The following MARK1 variants were observed in gnomAD, a reference collection of about 807,000 sequenced individuals.
MARK1 encodes the protein serine/threonine-protein kinase MARK1.
Under a neutral mutation model 96.3 loss-of-function variants are expected in MARK1, and 40 were observed. The ratio of observed to expected loss-of-function variants is 0.42; its 90% CI spans 0.32 to 0.54. The LOEUF is 0.54. MARK1 is among the 20% of genes least tolerant of loss of function. MARK1 has a pLI of 0.16. For synonymous variants in MARK1, 317 were observed against 341.2 expected (o/e 0.93, Z 0.78); for missense variants, 719 against 984.6 (o/e 0.73, Z 3.61).
At chr1:220,633,538 G>T (rs1667787248) in intron 11 of MARK1, among the ~76,000 whole-genome samples, 1 of 152,184 alleles carries the variant, frequency 6.6e-6, no homozygotes, top group Non-Finnish European at 1.5e-5. Context: ...CTCTCAAGGA[G>T]CCCTTAGTCT....
chr1:220,561,946 GAGA>G (rs1166055175), intron 1 of MARK1, among the ~76,000 whole-genome samples: 2 of 152,170 alleles, frequency 1.3e-5, no homozygotes, highest in South Asian at 2.1e-4. Context: ...AACTTACCAT[GAGA>G]AGAAGGCCAT....
Position 220,528,748 on chromosome 1 carries a change from T to C in MARK1, c.-75T>C. The C allele has an allele frequency of 7.0e-7, 1 of 1,421,152 alleles. No individual in the cohort carries two copies. Among genetic ancestry groups the C allele is most frequent in the Non-Finnish European group, 9.6e-7 (1 of 1,046,164 alleles). The allele number at this position is 1,421,152 out of a possible 1,614,324, so 88.0% of individuals were successfully genotyped here. A position where few individuals can be genotyped will look rare whatever the true frequency, so the allele number is the denominator to read the frequency against. ...GGCCTTGTGCTCGCGTCCGCACCCC[T>C]TTCCTGTCGCCCCCCGGGGCCCGCA... On this transcript the variant is annotated 5_prime_UTR_variant, in exon 1 of 18. Coordinates refer to ENST00000366917, the MANE Select transcript of MARK1 (RefSeq NM_018650.5).
intron 3 of MARK1, among the ~76,000 whole-genome samples, chr1:220,583,478 T>G (rs1475657506): frequency 6.6e-6 from 1 of 152,222 alleles, no homozygotes; most frequent in African/African-American, 2.4e-5. Context: ...TATGCTCATA[T>G]TATTTGTATT....
intron 3 of MARK1, among the ~76,000 whole-genome samples, chr1:220,595,616 A>G (rs1049719733): frequency 1.3e-5 from 2 of 152,212 alleles, no homozygotes; most frequent in African/African-American, 4.8e-5. Flanking sequence ...ATTTTTTTCT[A>G]GAGTCTGGTA....
intron 1 of MARK1, among the ~76,000 whole-genome samples, chr1:220,534,400 G>A (rs11118567): frequency 0.59 from 88,963 of 151,780 alleles, 27,431 homozygotes; most frequent in Non-Finnish European, 0.68. Context: ...CCTTCTAAGT[G>A]TATGTTTATA....
chr1:220,570,154 C>A (rs1201991029), intron 1 of MARK1, among the ~76,000 whole-genome samples: 1 of 151,886 alleles, frequency 6.6e-6, no homozygotes, highest in Non-Finnish European at 1.5e-5. Context: ...AATAGAAAGA[C>A]CAAATATGAC....
chr1:220,532,620 A>G (rs1660391362), intron 1 of MARK1, among the ~76,000 whole-genome samples: 1 of 152,200 alleles, frequency 6.6e-6, no homozygotes, highest in Admixed American at 6.5e-5. Context: ...TCTATCCTTC[A>G]AGGTGAATAA....
Position 220,632,212 on chromosome 1 carries a change from AC to A in MARK1, c.1023del (p.Met342TrpfsTer8). The A allele has an allele frequency of 6.9e-7, 1 of 1,439,704 alleles. No homozygotes were observed. The highest frequency in any genetic ancestry group is 9.2e-7 in the Non-Finnish European group (1 of 1,083,062). 89.2% of individuals were successfully genotyped at this position (1,439,704 alleles called of 1,614,324 possible). On this transcript the variant is annotated frameshift_variant, in exon 11 of 18. Coordinates refer to ENST00000366917, the MANE Select transcript of MARK1 (RefSeq NM_018650.5). LOFTEE classifies it high-confidence loss of function. Reference sequence around the variant, plus strand: ...TTTTAAATTTCTAGACATTATGGTCACCATGGGCTTTGCACGAGATGAAATA... The same window carrying A: ...TTTTAAATTTCTAGACATTATGGTCACATGGGCTTTGCACGAGATGAAATA... ...NDTKRIDIMV[T>X]MGFARDEIND...
chr1:220,541,059 A>T (rs145230585), intron 1 of MARK1, among the ~76,000 whole-genome samples: 176 of 151,896 alleles, frequency 1.2e-3, no homozygotes, highest in African/African-American at 4.1e-3. Flanking sequence ...CAGCCTCCTG[A>T]GTAGCTGGAA....
At chr1:220,572,201 GTGT>G (rs1183231767) in intron 1 of MARK1, among the ~76,000 whole-genome samples, 1 of 152,106 alleles carries the variant, frequency 6.6e-6, no homozygotes. Context: ...TAACTTGATA[GTGT>G]TGTTCAGATT....
intron 1 of MARK1, among the ~76,000 whole-genome samples, chr1:220,540,016 G>T (rs1304670290): frequency 6.6e-6 from 1 of 152,054 alleles, no homozygotes; most frequent in Non-Finnish European, 1.5e-5. Context: ...GCTTATCGTT[G>T]TTGGAAGGTT....
intron 10 of MARK1, among the ~76,000 whole-genome samples, chr1:220,631,870 A>C (rs1473371456): frequency 2.0e-5 from 3 of 152,222 alleles, no homozygotes; most frequent in Non-Finnish European, 4.4e-5. Flanking sequence ...ATTGAGAGAA[A>C]GACAGAGAAT....
chr1:220,644,450 C>CG (rs1491512374), intron 13 of MARK1, among the ~76,000 whole-genome samples: 1 of 3,374 alleles, frequency 3.0e-4, no homozygotes, highest in Non-Finnish European at 5.8e-4. Flanking sequence ...GAGACTTAGA[C>CG]CCCCCCCCCC....
chr1:220,658,133 C>A (rs1669278200), intron 17 of MARK1, among the ~76,000 whole-genome samples: 1 of 152,088 alleles, frequency 6.6e-6, no homozygotes, highest in Admixed American at 6.6e-5. Context: ...ATTTTTCTCA[C>A]TAAAGTAATG....
At position 220,636,901 on chromosome 1, in the gene MARK1, T is replaced by TA. The variant is rs78112733; in HGVS notation, c.1470+891dup. 9.1e-3 allele frequency among the ~76,000 whole-genome samples: 1,212 copies of TA among 133,614 alleles called. 10 individuals are homozygous for TA. Among genetic ancestry groups the TA allele is most frequent in the South Asian group, 0.024 (99 of 4,186 alleles). The allele number at this position is 133,614 out of a possible 152,430, so 87.7% of individuals were successfully genotyped here. ...CTGGGCAGCAGAGCGAGACTCCGTT[T>TA]AAAAAAAAAAAAAAAAGGAACAAGA... On this transcript the variant is annotated intron_variant, in intron 13 of 17. Transcript: ENST00000366917.
At chr1:220,602,242 T>C (rs995198140) in intron 5 of MARK1, among the ~76,000 whole-genome samples, 2 of 152,206 alleles carry the variant, frequency 1.3e-5, no homozygotes, top group African/African-American at 4.8e-5. Context: ...CTTTTTTTTA[T>C]TTTGAACCAT....
At chr1:220,623,723 C>T (rs1014324252) in intron 9 of MARK1, among the ~76,000 whole-genome samples, 3 of 152,086 alleles carry the variant, frequency 2.0e-5, no homozygotes, top group African/African-American at 7.2e-5. Context: ...CTTCTGTGTC[C>T]ACCTATTGTA....
chr1:220,564,014 C>T (rs1159755491), intron 1 of MARK1, among the ~76,000 whole-genome samples: 2 of 152,106 alleles, frequency 1.3e-5, no homozygotes, highest in Non-Finnish European at 2.9e-5. Flanking sequence ...TAGAGGATAG[C>T]AGTGGAAAAG....
At position 220,631,078 on chromosome 1, in the gene MARK1, A is replaced by G; in HGVS notation, c.953A>G (p.Glu318Gly). ...DRWMNVGHEE[E>G]ELKPYTEPDP... The stretch of plus-strand genomic sequence containing the variant: ...TGGATGAATGTTGGTCATGAAGAGG[A>G]AGAACTAAAGCCATATACTGAGCCT... Residue 318 changes from glutamate (E) to glycine (G), a missense_variant, in exon 10 of 18, where the codon GAA becomes GGA. Coordinates refer to ENST00000366917, the MANE Select transcript of MARK1 (RefSeq NM_018650.5). 6.2e-7 allele frequency: 1 copy of G among 1,613,220 alleles called. No individual in the cohort carries two copies.
Sources: allele counts gnomAD v4.1 joint callset (sites outside exome capture counted in the v4.1 genomes callset), GRCh38; gene constraint gnomAD v4.1.1; transcripts MANE v1.5; gene names NCBI Gene and HGNC (gene_info 2026-07-23, HGNC 2026-07-21).